Variants in ASIC2 observed in about 807,000 individuals in gnomAD.
ASIC2 encodes the protein acid sensing ion channel subunit 2.
In ASIC2, 25 loss-of-function variants were observed where a neutral mutation model predicts 57.3. The observed-to-expected ratio is 0.44, with a 90% CI of 0.32 to 0.61. ASIC2 has a LOEUF of 0.61. Among genes scored for constraint, ASIC2 ranks in the 20% least tolerant of loss-of-function variants. The pLI is 0.06. For synonymous variants in ASIC2, 319 were observed against 307.5 expected, an observed-to-expected ratio of 1.04 and a Z score of -0.39; for missense variants, 641 against 738.1, an observed-to-expected ratio of 0.87 and a Z score of 1.52.
Position 33,291,882 on chromosome 17 carries a change from C to A in ASIC2, c.234G>T (p.Ala78=). Residue 78 remains alanine (A), a synonymous_variant, in exon 1 of 10, where the codon GCG becomes GCT. Transcript: ENST00000225823. ...CCCGCCGCTGGAAGGAGCCCCCAGC[C>A]GCCGTGCGCCCGGCACACATGTGCC... The part of the protein sequence containing the change: ...GLRHMCAGRT[A]AGGSFQRRAL... The A allele has an allele frequency of 6.2e-7, 1 of 1,606,014 alleles. No individual in the cohort carries two copies. Among genetic ancestry groups the A allele is most frequent in the Non-Finnish European group, 8.5e-7 (1 of 1,179,054 alleles).
chr17:33,236,002 A>G (rs1908283150), intron 1 of ASIC2, among the ~76,000 whole-genome samples: 1 of 151,880 alleles, frequency 6.6e-6, no homozygotes, highest in Non-Finnish European at 1.5e-5. Flanking sequence ...ACACCCAGCT[A>G]ATCTTTTTAT....
chr17:33,489,611 A>C (rs1290372139), intron 1 of ASIC2, among the ~76,000 whole-genome samples: 2 of 152,234 alleles, frequency 1.3e-5, no homozygotes, highest in African/African-American at 4.8e-5. Context: ...CTCAGATTCC[A>C]GGCCAGGGCC....
At chr17:33,637,138 G>A (rs1906398273) in intron 1 of ASIC2, among the ~76,000 whole-genome samples, 1 of 151,888 alleles carries the variant, frequency 6.6e-6, no homozygotes, top group African/African-American at 2.4e-5. Context: ...TCTAAGCTCA[G>A]AGGCTAAATG....
At chr17:34,117,570 C>T (rs1194958841) in intron 1 of ASIC2, among the ~76,000 whole-genome samples, 2 of 152,080 alleles carry the variant, frequency 1.3e-5, no homozygotes, top group African/African-American at 4.8e-5. Flanking sequence ...ACCTGGGGTC[C>T]AGACTGGGAA....
intron 1 of ASIC2, among the ~76,000 whole-genome samples, chr17:33,372,683 A>G (rs761231015): frequency 3.0e-4 from 45 of 152,022 alleles, no homozygotes; most frequent in Non-Finnish European, 4.4e-4. Context: ...CCCCAGCCAC[A>G]TTCCCACCCC....
chr17:34,048,514 T>C (rs2142051383), intron 1 of ASIC2, among the ~76,000 whole-genome samples: 1 of 152,334 alleles, frequency 6.6e-6, no homozygotes, highest in Non-Finnish European at 1.5e-5. Context: ...TATCTGCCTA[T>C]CATCTCCCAA....
At chr17:33,223,453 G>C (rs536945848) in intron 1 of ASIC2, among the ~76,000 whole-genome samples, 2 of 152,260 alleles carry the variant, frequency 1.3e-5, no homozygotes, top group African/African-American at 4.8e-5. Flanking sequence ...AAAGTGCTGG[G>C]ATTACAGGCG....
intron 1 of ASIC2, among the ~76,000 whole-genome samples, chr17:33,117,572 T>C (rs893752190): frequency 6.6e-6 from 1 of 152,140 alleles, no homozygotes; most frequent in African/African-American, 2.4e-5. Context: ...AAGGCCACAG[T>C]GCCAAGGGGT....
intron 1 of ASIC2, among the ~76,000 whole-genome samples, chr17:33,202,336 T>G (rs1906900681): frequency 6.6e-6 from 1 of 152,234 alleles, no homozygotes; most frequent in Non-Finnish European, 1.5e-5. Context: ...GAAAATGGGC[T>G]GTTTGGAGTC....
intron 1 of ASIC2, among the ~76,000 whole-genome samples, chr17:33,886,972 G>A (rs368433032): frequency 1.3e-5 from 2 of 152,070 alleles, no homozygotes; most frequent in African/African-American, 4.8e-5. Context: ...AACAAAAAAT[G>A]CATTTTTTTC....
intron 1 of ASIC2, among the ~76,000 whole-genome samples, chr17:34,088,607 G>A (rs943535490): frequency 7.2e-5 from 11 of 152,350 alleles, no homozygotes; most frequent in Non-Finnish European, 1.5e-4. Context: ...GGTTACTGCT[G>A]TCTTTTTGTT....
intron 3 of ASIC2, among the ~76,000 whole-genome samples, chr17:33,061,416 T>A (rs1317339094): frequency 1.3e-5 from 2 of 152,234 alleles, no homozygotes; most frequent in Admixed American, 1.3e-4. Flanking sequence ...TCTATTGAGA[T>A]AATCATGTGG....
At chr17:34,007,137 G>C (rs143829970) in intron 1 of ASIC2, among the ~76,000 whole-genome samples, 7 of 152,166 alleles carry the variant, frequency 4.6e-5, no homozygotes, top group African/African-American at 9.7e-5. Context: ...CAGCCCAGAG[G>C]GGGGAAGGAA....
chr17:34,121,221 G>A (rs567613291), intron 1 of ASIC2, among the ~76,000 whole-genome samples: 5 of 152,302 alleles, frequency 3.3e-5, no homozygotes, highest in Non-Finnish European at 5.9e-5. Flanking sequence ...TGGCCTTGCC[G>A]ATACTTTGAT....
At chr17:33,695,145 T>A (rs1335292833) in intron 1 of ASIC2, among the ~76,000 whole-genome samples, 1 of 152,240 alleles carries the variant, frequency 6.6e-6, no homozygotes, top group African/African-American at 2.4e-5. Context: ...AAACACTGAC[T>A]TGGTTTAATA....
At chr17:33,069,718 T>C (rs1598262110) in intron 3 of ASIC2, among the ~76,000 whole-genome samples, 1 of 152,196 alleles carries the variant, frequency 6.6e-6, no homozygotes, top group East Asian at 1.9e-4. Flanking sequence ...AAAAAAACTA[T>C]TTTTACCTTT....
At chr17:34,070,170 ATC>A (rs1033195289) in intron 1 of ASIC2, 7 of 152,128 alleles carry the variant, frequency 4.6e-5, no homozygotes, top group Non-Finnish European at 7.4e-5. Flanking sequence ...ACTCTTCACA[ATC>A]TCTAAGTTAA....
chr17:34,020,834 C>T (rs1464555423), intron 1 of ASIC2, among the ~76,000 whole-genome samples: 1 of 152,142 alleles, frequency 6.6e-6, no homozygotes, highest in Non-Finnish European at 1.5e-5. Context: ...GCTGGTGGAG[C>T]TCATCCAGAC....
Position 33,761,399 on chromosome 17 carries a change from A to T in ASIC2, c.555+394579T>A, listed in dbSNP as rs114227980. On this transcript the variant is annotated intron_variant, in intron 1 of 9. Transcript: ENST00000359872. Reference sequence around the variant, plus strand: ...CTCTGTAGGGAATCCGGGGGCCCTCAACACAGGGATGGGATGGGGGAAGGC... The same window carrying T: ...CTCTGTAGGGAATCCGGGGGCCCTCTACACAGGGATGGGATGGGGGAAGGC... Among the ~76,000 whole-genome samples the T allele has an allele frequency of 3.3e-3, 498 of 152,228 alleles. 2 individuals are homozygous for T. The highest frequency in any genetic ancestry group is 0.011 in the African/African-American group (465 of 41,522).
Sources: gnomAD v4.1 joint callset for allele counts (sites outside exome capture counted in the v4.1 genomes callset) on GRCh38, gnomAD v4.1.1 for gene constraint, MANE v1.5 for transcripts, NCBI Gene and HGNC (gene_info 2026-07-23, HGNC 2026-07-21) for gene names.